The following LARP1B variants were observed in gnomAD, a reference collection of about 807,000 sequenced individuals.
LARP1B encodes La ribonucleoprotein 1B.
In LARP1B, 76 loss-of-function variants were observed where a neutral mutation model predicts 114.2. The ratio of observed to expected loss-of-function variants is 0.67; its 90% CI spans 0.55 to 0.81. The LOEUF (loss-of-function observed/expected upper bound fraction) is 0.81. LARP1B is among the 30% of genes least tolerant of loss of function. LARP1B has a pLI of 0.00. For missense variants in LARP1B, 1,014 were observed against 1,075.8 expected (o/e 0.94, Z 0.80); for synonymous variants, 345 against 348.0 (o/e 0.99, Z 0.10).
intron 5 of LARP1B, 129 bp downstream of exon 5, chr4:128,082,434 C>T: frequency 1.4e-6 from 1 of 703,746 alleles, no homozygotes; most frequent in South Asian, 1.9e-5. Context: ...ACCCCAAATA[C>T]CTTCAGGGTA....
intron 7 of LARP1B, among the ~76,000 whole-genome samples, chr4:128,095,215 A>G (rs1777455275): frequency 6.6e-6 from 1 of 151,360 alleles, no homozygotes; most frequent in South Asian, 2.1e-4. Flanking sequence ...AGGCCAGGGC[A>G]TGGTGGCTCA....
chr4:128,122,805 A>G, intron 11 of LARP1B: 1 of 1,106,818 alleles, frequency 9.0e-7, no homozygotes, highest in Non-Finnish European at 1.1e-6. Flanking sequence ...TTCATCCCAG[A>G]TCCTGGTTCC....
At chr4:128,221,122 T>A (rs942410858) in intron 7 of LARP1B, among the ~76,000 whole-genome samples, 1 of 152,204 alleles carries the variant, frequency 6.6e-6, no homozygotes, top group South Asian at 2.1e-4. Flanking sequence ...GAGGGTCTAA[T>A]GGAGTATTTA....
intron 9 of LARP1B, among the ~76,000 whole-genome samples, chr4:128,110,432 G>T (rs1248846202): frequency 1.3e-5 from 2 of 150,960 alleles, no homozygotes; most frequent in African/African-American, 4.9e-5. Context: ...AAAAAGATTT[G>T]GGAGGCCGAG....
At chr4:128,162,125 G>T in intron 11 of LARP1B, 69 bp from the exon 12 acceptor site, 1 of 1,432,656 alleles carries the variant, frequency 7.0e-7, no homozygotes, top group Admixed American at 2.1e-5. Context: ...TTTGAGGTTG[G>T]TATCAATTAT....
chr4:128,103,561 CT>C (rs1049704607), intron 8 of LARP1B, among the ~76,000 whole-genome samples: 4,699 of 131,798 alleles, frequency 0.036, 99 homozygotes, highest in African/African-American at 0.11. Context: ...GCCCCTTCCT[CT>C]TTTTTTTTTT....
At chr4:128,111,156 C>G (rs1335082845) in intron 9 of LARP1B, among the ~76,000 whole-genome samples, 2 of 151,896 alleles carry the variant, frequency 1.3e-5, no homozygotes, top group African/African-American at 4.8e-5. Context: ...AAGCAATTCT[C>G]CTGCCTCAGC....
chr4:128,084,861 T>G (rs1171180331), intron 5 of LARP1B, among the ~76,000 whole-genome samples: 1 of 152,048 alleles, frequency 6.6e-6, no homozygotes, highest in Non-Finnish European at 1.5e-5. Context: ...TTATTATTAT[T>G]ATTATTTGTT....
At chr4:128,065,238 G>C (rs1426744357) in intron 1 of LARP1B, among the ~76,000 whole-genome samples, 1 of 148,822 alleles carries the variant, frequency 6.7e-6, no homozygotes, top group East Asian at 2.0e-4. Flanking sequence ...ACTCTGCACT[G>C]TTCTCCCACA....
intron 11 of LARP1B, among the ~76,000 whole-genome samples, chr4:128,130,797 A>T (rs182857455): frequency 1.3e-5 from 2 of 152,334 alleles, no homozygotes; most frequent in African/African-American, 4.8e-5. Context: ...GAATAGGTGG[A>T]TGGATAAACA....
chr4:128,162,441 G>C lies in LARP1B; in HGVS notation c.1648+124G>C. 8 of 842,682 alleles carry C rather than the reference G, an allele frequency of 9.5e-6. No homozygotes were observed. In the South Asian group the frequency reaches 1.9e-4, roughly 20 times the overall value. The allele number at this position is 842,682 out of a possible 1,614,324, so 52.2% of individuals were successfully genotyped here. On this transcript the variant is annotated intron_variant, in intron 12 of 19. Transcript: ENST00000326639. Reference sequence around the variant, plus strand: ...TCATTAGGTAAATGGTAAAATGCTAGAATTTTAAAACTCAACTTTTATCCT... The same window carrying C: ...TCATTAGGTAAATGGTAAAATGCTACAATTTTAAAACTCAACTTTTATCCT...
At chr4:128,156,947 A>G (rs1736047832) in intron 11 of LARP1B, among the ~76,000 whole-genome samples, 1 of 151,792 alleles carries the variant, frequency 6.6e-6, no homozygotes. Flanking sequence ...CATTTCCCTC[A>G]GACTCATCTG....
At chr4:128,222,486 A>G in exon 8 of LARP1B, 2 of 400,170 alleles carry the variant, frequency 5.0e-6, no homozygotes, top group Admixed American at 2.7e-5. Context: ...TGCCACTTCC[A>G]AGTTTGACTT....
At chr4:128,220,996 A>G (rs990887173) in intron 7 of LARP1B, among the ~76,000 whole-genome samples, 3 of 152,262 alleles carry the variant, frequency 2.0e-5, no homozygotes, top group African/African-American at 2.4e-5. Context: ...AATAGAACAC[A>G]GAACCCCTGA....
chr4:128,151,664 G>T (rs1208867181), intron 11 of LARP1B, among the ~76,000 whole-genome samples: 1 of 151,848 alleles, frequency 6.6e-6, no homozygotes, highest in Non-Finnish European at 1.5e-5. Context: ...GTGCAATGGC[G>T]TGATCTCGGC....
intron 9 of LARP1B, chr4:128,108,439 T>C (rs1170848295): frequency 1.0e-6 from 1 of 985,642 alleles, no homozygotes; most frequent in Non-Finnish European, 1.2e-6. Context: ...GTAAGGAATT[T>C]AAGAACTGGA....
Position 128,117,913 on chromosome 4 carries a change from CTT to C in LARP1B, c.1161+3189_1161+3190del, listed in dbSNP as rs35542391. ...GTAGGTCTAATTTTAAACAGAAAAT[CTT>C]TTTTTTTTTTTTTTTTTGGCAGAGG... On this transcript the variant is annotated intron_variant, in intron 10 of 19. Coordinates refer to ENST00000326639, the MANE Select transcript of LARP1B (RefSeq NM_018078.4). Among the ~76,000 whole-genome samples, 222 of 102,566 alleles carry C rather than the reference CTT, an allele frequency of 2.2e-3. 1 individual carries two copies. The highest frequency in any genetic ancestry group is 0.011 in the Middle Eastern group (2 of 182). The allele number at this position is 102,566 out of a possible 152,430, so 67.3% of individuals were successfully genotyped here.
intron 5 of LARP1B, among the ~76,000 whole-genome samples, chr4:128,085,396 C>T (rs1382555249): frequency 1.7e-5 from 2 of 118,822 alleles, no homozygotes; most frequent in East Asian, 2.6e-4. Context: ...GATGGGGTCT[C>T]ATTCTGTTGC....
At chr4:128,097,371 G>C (rs992764942) in intron 7 of LARP1B, among the ~76,000 whole-genome samples, 1 of 151,164 alleles carries the variant, frequency 6.6e-6, no homozygotes, top group Non-Finnish European at 1.5e-5. Context: ...GCAATGACGC[G>C]ATCTTGGCTC....
Sources: gnomAD v4.1 joint callset for allele counts (sites outside exome capture counted in the v4.1 genomes callset) on GRCh38, gnomAD v4.1.1 for gene constraint, MANE v1.5 for transcripts, NCBI Gene and HGNC (gene_info 2026-07-23, HGNC 2026-07-21) for gene names.